Variants in LRRTM4 observed in about 807,000 individuals in gnomAD.
LRRTM4 encodes the protein leucine rich repeat transmembrane neuronal 4, also known as leucine-rich repeat transmembrane neuronal protein 4.
LRRTM4 carries 25 observed loss-of-function variants against 47.6 expected under a neutral mutation model. The observed-to-expected ratio is 0.53, with a 90% CI of 0.38 to 0.73. LRRTM4 has a LOEUF of 0.73. Ranked by LOEUF, LRRTM4 falls within the 30% of genes least tolerant of loss-of-function variation. LRRTM4 has a pLI of 0.00. For synonymous variants in LRRTM4, 311 were observed against 269.5 expected, an observed-to-expected ratio of 1.15 and a Z score of -1.51; for missense variants, 638 against 713.4, an observed-to-expected ratio of 0.89 and a Z score of 1.20.
intron 3 of LRRTM4, among the ~76,000 whole-genome samples, chr2:77,207,694 G>A (rs553502344): frequency 6.6e-6 from 1 of 151,664 alleles, no homozygotes; most frequent in South Asian, 2.1e-4. Flanking sequence ...ATTTTAGCTG[G>A]TCTCTAGGTT....
intron 3 of LRRTM4, among the ~76,000 whole-genome samples, chr2:76,978,716 G>A (rs1248801205): frequency 2.0e-5 from 3 of 151,982 alleles, no homozygotes; most frequent in Admixed American, 6.6e-5. Flanking sequence ...ATAGCGAGCC[G>A]CTGAACATAT....
chr2:77,038,060 T>G (rs141948288), intron 3 of LRRTM4, among the ~76,000 whole-genome samples: 3 of 151,652 alleles, frequency 2.0e-5, no homozygotes, highest in African/African-American at 7.2e-5. Flanking sequence ...CCCAGTGATG[T>G]GCCCATCTGT....
At chr2:76,885,516 G>A (rs990266588) in intron 3 of LRRTM4, among the ~76,000 whole-genome samples, 35 of 147,800 alleles carry the variant, frequency 2.4e-4, no homozygotes, top group Non-Finnish European at 3.6e-4. Context: ...AGGCTGGAGT[G>A]CAGTGGCGCG....
chr2:76,926,108 T>A (rs1573322651), intron 3 of LRRTM4, among the ~76,000 whole-genome samples: 1 of 152,304 alleles, frequency 6.6e-6, no homozygotes, highest in East Asian at 1.9e-4. Flanking sequence ...TTCAAAATTC[T>A]ACTTTTCATA....
chr2:76,908,902 A>T (rs147566133), intron 3 of LRRTM4, among the ~76,000 whole-genome samples: 10,429 of 152,192 alleles, frequency 0.069, 774 homozygotes, highest in African/African-American at 0.18. Flanking sequence ...CAATATTGTG[A>T]AAATGGCCAT....
intron 3 of LRRTM4, among the ~76,000 whole-genome samples, chr2:76,951,279 T>C (rs1275063400): frequency 6.6e-6 from 1 of 152,052 alleles, no homozygotes; most frequent in East Asian, 1.9e-4. Context: ...ATGGTAAATA[T>C]GAAAGACGTA....
intron 3 of LRRTM4, among the ~76,000 whole-genome samples, chr2:76,984,323 A>G (rs542189906): frequency 7.2e-5 from 11 of 152,112 alleles, no homozygotes; most frequent in African/African-American, 2.2e-4. Flanking sequence ...AAATGTTTCA[A>G]TATTTTTTAA....
chr2:77,095,062 TCAAA>T (rs1324649841), intron 3 of LRRTM4, among the ~76,000 whole-genome samples: 1 of 152,078 alleles, frequency 6.6e-6, no homozygotes, highest in African/African-American at 2.4e-5. Flanking sequence ...TGTAAGAAAC[TCAAA>T]CAATTAAATA....
intron 3 of LRRTM4, among the ~76,000 whole-genome samples, chr2:77,165,252 G>A (rs2103819340): frequency 6.6e-6 from 1 of 152,206 alleles, no homozygotes; most frequent in African/African-American, 2.4e-5. Flanking sequence ...ACCCTCCCAA[G>A]ACTAAACCAG....
intron 3 of LRRTM4, among the ~76,000 whole-genome samples, chr2:76,781,230 G>A (rs1158589709): frequency 6.6e-6 from 1 of 152,216 alleles, no homozygotes; most frequent in Non-Finnish European, 1.5e-5. Flanking sequence ...TGCCCCCAGA[G>A]GTGGAGCCTA....
intron 3 of LRRTM4, among the ~76,000 whole-genome samples, chr2:77,107,702 T>C (rs568729961): frequency 1.3e-5 from 2 of 150,904 alleles, no homozygotes; most frequent in South Asian, 2.1e-4. Context: ...CCTGTAATCC[T>C]AGCTACTTGG....
chr2:76,908,506 G>C (rs1351367917), intron 3 of LRRTM4, among the ~76,000 whole-genome samples: 3 of 151,706 alleles, frequency 2.0e-5, no homozygotes, highest in Non-Finnish European at 4.4e-5. Flanking sequence ...AATTAGGCAG[G>C]AGAAGGAAAT....
chr2:76,897,902 A>G (rs980262740), intron 3 of LRRTM4, among the ~76,000 whole-genome samples: 6 of 152,186 alleles, frequency 3.9e-5, no homozygotes, highest in Non-Finnish European at 8.8e-5. Flanking sequence ...GACGTTTTCC[A>G]TACTGGTAGA....
intron 3 of LRRTM4, among the ~76,000 whole-genome samples, chr2:76,893,157 T>C (rs1673308157): frequency 6.6e-6 from 1 of 151,646 alleles, no homozygotes; most frequent in Non-Finnish European, 1.5e-5. Context: ...GTAAAATTAT[T>C]CTCTCATTTC....
In LRRTM4 at chr2:77,365,464, A is replaced by AT. The variant is rs901768981; in HGVS notation, c.1551+152853dup. Among the ~76,000 whole-genome samples the AT allele has an allele frequency of 1.9e-4, 29 of 152,050 alleles. 1 individual carries two copies. The East Asian group carries it at 2.1e-3, about 11-fold the overall frequency. ...CTCTTATGGTTTTCTTTTGGCATAGATTTTTTTAATAAAGGTAAATAATCT... is the reference window on the plus strand; with the variant it reads ...CTCTTATGGTTTTCTTTTGGCATAGATTTTTTTTAATAAAGGTAAATAATCT... On this transcript the variant is annotated intron_variant, in intron 3 of 3. Transcript: ENST00000409884.
At position 77,108,722 on chromosome 2, in the gene LRRTM4, T is replaced by C. The variant is rs867182757; in HGVS notation, c.1552-359806A>G. On this transcript the variant is annotated intron_variant, in intron 3 of 3. Transcript: ENST00000409884. ...CCTCAGCCTCCCAAGTAGCTGGGAC[T>C]ACAGGCGCCCGCCACCACGCCCGGC... Among the ~76,000 whole-genome samples the C allele has an allele frequency of 1.4e-3, 219 of 151,916 alleles. 1 individual carries two copies. Among genetic ancestry groups the C allele is most frequent in the African/African-American group, 4.6e-3 (193 of 41,518 alleles).
intron 3 of LRRTM4, among the ~76,000 whole-genome samples, chr2:77,436,606 G>A (rs1048314075): frequency 6.6e-6 from 1 of 151,650 alleles, no homozygotes; most frequent in Non-Finnish European, 1.5e-5. Context: ...TTAAACAAAC[G>A]AATAGATTCT....
chr2:76,889,812 T>TAGAGAGAAAGAAGAAAG (rs1307125605), intron 3 of LRRTM4, among the ~76,000 whole-genome samples: 47 of 151,154 alleles, frequency 3.1e-4, no homozygotes, highest in African/African-American at 1.1e-3. Flanking sequence ...AATAATAGAG[T>TAGAGAGAAAGAAGAAAG]AGAGAGAAAG....
At chr2:77,382,772 A>G (rs1022239419) in intron 3 of LRRTM4, among the ~76,000 whole-genome samples, 62 of 152,250 alleles carry the variant, frequency 4.1e-4, no homozygotes, top group Non-Finnish European at 7.5e-4. Flanking sequence ...AAACTGAAGG[A>G]AATATTTTTC....
Sources: gnomAD v4.1 joint callset for allele counts (sites outside exome capture counted in the v4.1 genomes callset) on GRCh38, gnomAD v4.1.1 for gene constraint, MANE v1.5 for transcripts, NCBI Gene and HGNC (gene_info 2026-07-23, HGNC 2026-07-21) for gene names.